The following NT5DC3 variants were observed in gnomAD, a reference collection of about 807,000 sequenced individuals.
The protein encoded by NT5DC3 is 5'-nucleotidase domain containing 3.
A neutral mutation model predicts 67.8 loss-of-function variants in NT5DC3; 42 were observed. The observed-to-expected ratio is 0.62, with a 90% CI of 0.48 to 0.80. The LOEUF is 0.80. NT5DC3 is among the 30% of genes least tolerant of loss of function. NT5DC3 has a pLI of 0.00. For synonymous variants in NT5DC3, 237 were observed against 255.6 expected, an observed-to-expected ratio of 0.93 and a Z score of 0.69; for missense variants, 570 against 696.4, an observed-to-expected ratio of 0.82 and a Z score of 2.04.
intron 1 of NT5DC3, among the ~76,000 whole-genome samples, chr12:103,836,829 G>A (rs73175815): frequency 0.12 from 18,156 of 152,046 alleles, 1,148 homozygotes; most frequent in African/African-American, 0.14. Context: ...CTGCTTTCAC[G>A]GGTGGGCGTC....
At chr12:103,780,274 G>C (rs773234363) in intron 13 of NT5DC3, 26 bp downstream of exon 13, 1 of 1,597,264 alleles carries the variant, frequency 6.3e-7, no homozygotes, top group Non-Finnish European at 8.6e-7. Flanking sequence ...TGGTGGACGC[G>C]CACATTCAAT....
At chr12:103,813,455 T>C (rs1887118916) in intron 2 of NT5DC3, among the ~76,000 whole-genome samples, 1 of 152,234 alleles carries the variant, frequency 6.6e-6, no homozygotes, top group African/African-American at 2.4e-5. Context: ...AGCTTCTTTT[T>C]GGCAAATGCC....
chr12:103,799,585 C>T (rs902997650), intron 4 of NT5DC3, among the ~76,000 whole-genome samples: 11 of 152,104 alleles, frequency 7.2e-5, no homozygotes, highest in South Asian at 6.2e-4. Context: ...TACCCAGTCT[C>T]GGGTATGTGA....
chr12:103,746,988 C>T, the NT5DC3 span, among the ~76,000 whole-genome samples: 121 of 139,236 alleles, frequency 8.7e-4, no homozygotes, highest in African/African-American at 3.1e-3. Context: ...TGGACTTTCA[C>T]GCTTGTTGCC....
chr12:103,772,103 A>G (rs963877101), downstream of NT5DC3, among the ~76,000 whole-genome samples: 8 of 152,158 alleles, frequency 5.3e-5, no homozygotes, highest in African/African-American at 1.9e-4. Flanking sequence ...GCTTTCCCCA[A>G]AAAAGGTTAT....
intron 2 of NT5DC3, among the ~76,000 whole-genome samples, chr12:103,813,906 A>C (rs909088938): frequency 1.3e-5 from 2 of 152,214 alleles, no homozygotes; most frequent in Non-Finnish European, 2.9e-5. Context: ...TGGGTTTAGA[A>C]GTTACTCATA....
chr12:103,755,080 C>T, the NT5DC3 span: 1 of 561,590 alleles, frequency 1.8e-6, no homozygotes, highest in East Asian at 2.9e-5. Context: ...GTATGAAAGA[C>T]CTGGGCACCT....
At chr12:103,830,059 T>G (rs1372713568) in intron 1 of NT5DC3, among the ~76,000 whole-genome samples, 2 of 152,250 alleles carry the variant, frequency 1.3e-5, no homozygotes, top group Admixed American at 1.3e-4. Context: ...ATACTATCAA[T>G]AATCGTGGTT....
At position 103,837,535 on chromosome 12, in the gene NT5DC3, C is replaced by T. The variant is rs892013899; in HGVS notation, c.208+3414G>A. Among the ~76,000 whole-genome samples the T allele has an allele frequency of 1.4e-4, 22 of 152,332 alleles. No individual in the cohort carries two copies. The South Asian group carries it at 4.6e-3, about 32-fold the overall frequency. ...AAAACTGAATGCCTTTAATAGCACCCAAGTCACTTCTTGAATGCTTTGCTG... is the reference window on the plus strand; with the variant it reads ...AAAACTGAATGCCTTTAATAGCACCTAAGTCACTTCTTGAATGCTTTGCTG... On this transcript the variant is annotated intron_variant, in intron 1 of 13. Transcript: ENST00000392876.
chr12:103,757,631 T>C, the NT5DC3 span, among the ~76,000 whole-genome samples: 1 of 151,168 alleles, frequency 6.6e-6, no homozygotes, highest in East Asian at 1.9e-4. Context: ...GGAGAGGGAG[T>C]GAGCCATGCA....
intron 1 of NT5DC3, among the ~76,000 whole-genome samples, chr12:103,827,809 T>C (rs1346005210): frequency 6.6e-6 from 1 of 152,218 alleles, no homozygotes; most frequent in Non-Finnish European, 1.5e-5. Flanking sequence ...TAAAAAATAA[T>C]AGAATTCTAT....
chr12:103,809,781 G>A (rs190431003), intron 2 of NT5DC3, among the ~76,000 whole-genome samples: 1 of 152,150 alleles, frequency 6.6e-6, no homozygotes, highest in Non-Finnish European at 1.5e-5. Flanking sequence ...TTTGGGTGGG[G>A]ACACAGCCAA....
chr12:103,757,394 G>C, the NT5DC3 span, among the ~76,000 whole-genome samples: 3 of 152,216 alleles, frequency 2.0e-5, no homozygotes, highest in Admixed American at 6.5e-5. Flanking sequence ...AGCCTGATCA[G>C]TGAATATTTA....
At chr12:103,765,207 C>T in the NT5DC3 span, among the ~76,000 whole-genome samples, 1 of 151,986 alleles carries the variant, frequency 6.6e-6, no homozygotes, top group Admixed American at 6.6e-5. Flanking sequence ...TGCATACATC[C>T]TCTCCAATGC....
chr12:103,780,368 T>TA lies in NT5DC3; in HGVS notation c.1330-5dup, dbSNP rs748409614. On this transcript the variant is annotated splice_polypyrimidine_tract_variant and splice_region_variant and intron_variant, in intron 12 of 13. Transcript: ENST00000392876. ...GTGACTCAGCATCTCTGTGAACCTGTAGGACACAAGTCAATTATTACAACT... is the reference window on the plus strand; with the variant it reads ...GTGACTCAGCATCTCTGTGAACCTGTAAGGACACAAGTCAATTATTACAACT... 6 of 1,613,326 alleles carry TA rather than the reference T, an allele frequency of 3.7e-6. No individual in the cohort carries two copies. The Admixed American group carries it at 8.3e-5, about 22-fold the overall frequency.
intron 1 of NT5DC3, among the ~76,000 whole-genome samples, chr12:103,835,712 G>A (rs761996617): frequency 2.0e-5 from 3 of 152,122 alleles, no homozygotes; most frequent in East Asian, 1.9e-4. Context: ...ATCCCATATC[G>A]CAATGGAGGA....
downstream of NT5DC3, among the ~76,000 whole-genome samples, chr12:103,769,311 CAT>C (rs919485156): frequency 8.5e-5 from 13 of 152,324 alleles, no homozygotes; most frequent in Non-Finnish European, 1.6e-4. Flanking sequence ...TAGCCTGTCA[CAT>C]GAGGTAATAT....
intron 7 of NT5DC3, 50 bp from the exon 8 acceptor site, chr12:103,793,562 A>C: frequency 7.5e-7 from 1 of 1,327,930 alleles, no homozygotes; most frequent in Non-Finnish European, 1.1e-6. Context: ...ATATTTGTCA[A>C]TCTGCAAGTA....
At chr12:103,831,888 C>T (rs909978379) in intron 1 of NT5DC3, among the ~76,000 whole-genome samples, 4 of 151,192 alleles carry the variant, frequency 2.6e-5, no homozygotes, top group Non-Finnish European at 5.9e-5. Flanking sequence ...CCAATTCTCA[C>T]GCCTCAGCCT....
Sources: allele counts gnomAD v4.1 joint callset (sites outside exome capture counted in the v4.1 genomes callset), GRCh38; gene constraint gnomAD v4.1.1; transcripts MANE v1.5; gene names NCBI Gene and HGNC (gene_info 2026-07-23, HGNC 2026-07-21).